The following MCC variants were observed in gnomAD, a reference collection of about 807,000 sequenced individuals.
The protein encoded by MCC is MCC regulator of Wnt signaling pathway, also known as colorectal mutant cancer protein.
MCC carries 90 observed loss-of-function variants against 116.2 expected under a neutral mutation model. That is an observed-to-expected ratio of 0.77 (90% CI 0.65 to 0.92). The LOEUF is 0.92. MCC is among the 40% of genes least tolerant of loss of function. The pLI, the probability that MCC is intolerant of heterozygous loss-of-function variation, is 0.00. For missense variants in MCC, 1,516 were observed against 1,312.2 expected, an observed-to-expected ratio of 1.16 and a Z score of -2.40; for synonymous variants, 578 against 510.5, an observed-to-expected ratio of 1.13 and a Z score of -1.78.
At chr5:113,159,495 G>A (rs747871811) in intron 3 of MCC, among the ~76,000 whole-genome samples, 3 of 152,156 alleles carry the variant, frequency 2.0e-5, no homozygotes, top group African/African-American at 4.8e-5. Context: ...AGAGGTTCAA[G>A]GTTCATCAAA....
At chr5:113,248,216 G>A (rs1477920243) in intron 3 of MCC, among the ~76,000 whole-genome samples, 2 of 145,770 alleles carry the variant, frequency 1.4e-5, no homozygotes, top group African/African-American at 5.2e-5. Context: ...GGTGTCAAGA[G>A]TGAGACCTTG....
At chr5:113,243,047 T>C (rs1279560827) in intron 3 of MCC, among the ~76,000 whole-genome samples, 1 of 152,218 alleles carries the variant, frequency 6.6e-6, no homozygotes, top group African/African-American at 2.4e-5. Flanking sequence ...AAATATCCAA[T>C]GTAGTGGTCT....
chr5:113,143,857 C>T (rs1759337087), intron 4 of MCC, among the ~76,000 whole-genome samples: 1 of 152,188 alleles, frequency 6.6e-6, no homozygotes, highest in African/African-American at 2.4e-5. Context: ...ACCAATTCAC[C>T]CCTCCTTTGC....
intron 1 of MCC, among the ~76,000 whole-genome samples, chr5:113,486,532 C>T (rs1420200707): frequency 6.6e-6 from 1 of 152,170 alleles, no homozygotes; most frequent in Admixed American, 6.5e-5. Flanking sequence ...TGCACTCTTG[C>T]CCGTGTGAAA....
At chr5:113,187,369 A>G (rs879934720) in intron 3 of MCC, among the ~76,000 whole-genome samples, 2 of 152,008 alleles carry the variant, frequency 1.3e-5, no homozygotes, top group Admixed American at 1.3e-4. Context: ...TCGGCTTCCC[A>G]AAGTGCTGGG....
At chr5:113,032,509 CT>C (rs1331550039) in intron 17 of MCC, among the ~76,000 whole-genome samples, 4 of 149,318 alleles carry the variant, frequency 2.7e-5, no homozygotes, top group Non-Finnish European at 5.9e-5. Flanking sequence ...TGTGTCTCTA[CT>C]TTTTTCATGG....
intron 13 of MCC, 84 bp from the exon 14 acceptor site, chr5:113,064,251 T>C (rs1156385388): frequency 3.1e-6 from 4 of 1,288,348 alleles, no homozygotes; most frequent in Non-Finnish European, 2.2e-6. Flanking sequence ...ATTAACTCTG[T>C]TACTTAGGGC....
intron 3 of MCC, among the ~76,000 whole-genome samples, chr5:113,218,783 T>C (rs973878099): frequency 2.0e-5 from 3 of 152,016 alleles, no homozygotes; most frequent in African/African-American, 7.2e-5. Flanking sequence ...TTGTGCAAGA[T>C]AGACTTGGGG....
At chr5:113,418,843 C>A (rs1770235218) in intron 1 of MCC, among the ~76,000 whole-genome samples, 2 of 152,082 alleles carry the variant, frequency 1.3e-5, no homozygotes, top group Non-Finnish European at 2.9e-5. Context: ...GCAGACAAAA[C>A]CAATCAAAAA....
intron 3 of MCC, among the ~76,000 whole-genome samples, chr5:113,172,305 A>T (rs1344386197): frequency 6.6e-6 from 1 of 152,196 alleles, no homozygotes; most frequent in Non-Finnish European, 1.5e-5. Flanking sequence ...TCACCTCTTT[A>T]AGGTTATTTA....
intron 3 of MCC, among the ~76,000 whole-genome samples, chr5:113,208,620 A>C (rs1763003370): frequency 6.6e-6 from 1 of 152,228 alleles, no homozygotes; most frequent in African/African-American, 2.4e-5. Flanking sequence ...CCTTTCAATC[A>C]TGAGAAAATG....
At chr5:113,131,786 A>G (rs1482266645) in intron 5 of MCC, among the ~76,000 whole-genome samples, 1 of 152,196 alleles carries the variant, frequency 6.6e-6, no homozygotes, top group Non-Finnish European at 1.5e-5. Flanking sequence ...TTAAAACTCT[A>G]TCCAGAACCC....
At chr5:113,035,611 G>A (rs1168496140) in intron 17 of MCC, among the ~76,000 whole-genome samples, 1 of 152,150 alleles carries the variant, frequency 6.6e-6, no homozygotes, top group Non-Finnish European at 1.5e-5. Flanking sequence ...ATGGAATCCT[G>A]TAGGTCCTCA....
intron 2 of MCC, among the ~76,000 whole-genome samples, chr5:113,351,823 T>A (rs1244966124): frequency 6.6e-6 from 1 of 152,146 alleles, no homozygotes; most frequent in Non-Finnish European, 1.5e-5. Flanking sequence ...TATATATACC[T>A]AAATGTACCC....
chr5:113,251,840 G>T (rs934234437), intron 3 of MCC, among the ~76,000 whole-genome samples: 3 of 152,078 alleles, frequency 2.0e-5, no homozygotes, highest in Admixed American at 6.5e-5. Flanking sequence ...CATATTCAAC[G>T]ACGCCTACAA....
chr5:113,414,961 G>C (rs1012989505), intron 1 of MCC, among the ~76,000 whole-genome samples: 1 of 152,144 alleles, frequency 6.6e-6, no homozygotes, highest in Non-Finnish European at 1.5e-5. Context: ...AGGCAGGCCT[G>C]GTGGTGACAA....
In MCC at chr5:113,143,305, A is replaced by AGC. The variant is rs1759297434; in HGVS notation, c.796_797insGC (p.Leu266ArgfsTer22). On this transcript the variant is annotated frameshift_variant, in exon 5 of 19. Transcript: ENST00000408903. LOFTEE classifies it high-confidence loss of function. Reference sequence around the variant, plus strand: ...CTCTGTGATGCGTTCCTCATAGCGAAGTGTCGTTCGCTCCTGGACATCCTC... The same window carrying AGC: ...CTCTGTGATGCGTTCCTCATAGCGAAGCGTGTCGTTCGCTCCTGGACATCCTC... The AGC allele has an allele frequency of 6.2e-7, 1 of 1,613,830 alleles. No homozygotes were observed. Among genetic ancestry groups the AGC allele is most frequent in the Non-Finnish European group, 8.5e-7 (1 of 1,179,990 alleles).
At chr5:113,158,667 C>T (rs1760309460) in intron 3 of MCC, among the ~76,000 whole-genome samples, 1 of 152,204 alleles carries the variant, frequency 6.6e-6, no homozygotes, top group South Asian at 2.1e-4. Flanking sequence ...TTACCTCCTT[C>T]TGGCAAACGA....
chr5:113,135,923 T>C (rs1758791722), intron 5 of MCC, among the ~76,000 whole-genome samples: 1 of 152,072 alleles, frequency 6.6e-6, no homozygotes, highest in African/African-American at 2.4e-5. Context: ...TGCATACCTG[T>C]AATCCTAGCT....
Sources: allele counts gnomAD v4.1 joint callset (sites outside exome capture counted in the v4.1 genomes callset), GRCh38; gene constraint gnomAD v4.1.1; transcripts MANE v1.5; gene names NCBI Gene and HGNC (gene_info 2026-07-23, HGNC 2026-07-21).